Variants in LRRC4C observed in about 807,000 individuals in gnomAD.
LRRC4C encodes leucine-rich repeat-containing protein 4C.
A neutral mutation model predicts 33.6 loss-of-function variants in LRRC4C; 5 were observed. That is an observed-to-expected ratio of 0.15 (90% CI 0.08 to 0.31). The LOEUF is 0.31. LRRC4C is among the 10% of genes least tolerant of loss of function. The probability of loss-of-function intolerance (pLI) is 1.00; values close to 1 mark genes in which losing one functional copy is unlikely to be tolerated. For synonymous variants in LRRC4C, 329 were observed against 302.0 expected (o/e 1.09, Z -0.93); for missense variants, 560 against 796.7 (o/e 0.70, Z 3.58).
At chr11:40,941,112 G>A (rs1250475312) in intron 1 of LRRC4C, among the ~76,000 whole-genome samples, 1 of 151,924 alleles carries the variant, frequency 6.6e-6, no homozygotes, top group Non-Finnish European at 1.5e-5. Context: ...TTAAACCAGT[G>A]TAATTTTGAA....
intron 3 of LRRC4C, among the ~76,000 whole-genome samples, chr11:40,636,890 G>A (rs1941786056): frequency 6.6e-6 from 1 of 152,164 alleles, no homozygotes; most frequent in Admixed American, 6.5e-5. Context: ...TCCCTTGGCA[G>A]TGAGCACCCT....
intron 4 of LRRC4C, among the ~76,000 whole-genome samples, chr11:40,305,185 T>G (rs1944969568): frequency 6.6e-6 from 1 of 152,230 alleles, no homozygotes; most frequent in Admixed American, 6.5e-5. Context: ...GGCACTGATC[T>G]TTTTGATCTT....
At chr11:40,295,067 C>A (rs1468265524) in intron 4 of LRRC4C, among the ~76,000 whole-genome samples, 1 of 152,124 alleles carries the variant, frequency 6.6e-6, no homozygotes, top group African/African-American at 2.4e-5. Context: ...ACATCCCCTG[C>A]TCCAGGATGT....
At chr11:40,243,380 C>A (rs1057271668) in intron 4 of LRRC4C, among the ~76,000 whole-genome samples, 1 of 152,050 alleles carries the variant, frequency 6.6e-6, no homozygotes, top group Non-Finnish European at 1.5e-5. Context: ...TCACCAAGTA[C>A]CTTCCTAGAA....
intron 3 of LRRC4C, among the ~76,000 whole-genome samples, chr11:40,607,401 G>A (rs1415638154): frequency 6.6e-6 from 1 of 152,074 alleles, no homozygotes; most frequent in Non-Finnish European, 1.5e-5. Flanking sequence ...CCCATCCTGT[G>A]CCTATAAAAA....
chr11:40,751,225 T>C (rs1454584338), intron 2 of LRRC4C, among the ~76,000 whole-genome samples: 1 of 152,166 alleles, frequency 6.6e-6, no homozygotes. Context: ...GAATGACCAC[T>C]TTTACCACTC....
At chr11:40,972,681 A>G (rs75693861) in intron 1 of LRRC4C, among the ~76,000 whole-genome samples, 1,948 of 152,202 alleles carry the variant, frequency 0.013, 12 homozygotes, top group Non-Finnish European at 0.021. Context: ...GAAGTTGGGA[A>G]AAGCCCCTTA....
At chr11:40,190,041 T>C (rs1367088832) in intron 5 of LRRC4C, among the ~76,000 whole-genome samples, 1 of 152,072 alleles carries the variant, frequency 6.6e-6, no homozygotes, top group Non-Finnish European at 1.5e-5. Context: ...TCCAGCAACA[T>C]TGAAGCAAAG....
chr11:41,392,824 A>G (rs1462161370), intron 1 of LRRC4C, among the ~76,000 whole-genome samples: 1 of 151,834 alleles, frequency 6.6e-6, no homozygotes, highest in Non-Finnish European at 1.5e-5. Flanking sequence ...GCCCAGAGGA[A>G]GCAGGAAGGA....
chr11:40,131,515 C>T (rs1286471988), intron 6 of LRRC4C, among the ~76,000 whole-genome samples: 1 of 152,038 alleles, frequency 6.6e-6, no homozygotes, highest in Non-Finnish European at 1.5e-5. Flanking sequence ...TATGTGGCCT[C>T]AAGAAAAGGT....
chr11:41,381,369 T>G (rs1307192037), intron 1 of LRRC4C, among the ~76,000 whole-genome samples: 1 of 152,172 alleles, frequency 6.6e-6, no homozygotes, highest in Non-Finnish European at 1.5e-5. Flanking sequence ...GGCTCAGGTC[T>G]GTAATCCCAG....
At chr11:40,756,833 T>C (rs545200173) in intron 2 of LRRC4C, among the ~76,000 whole-genome samples, 1 of 152,082 alleles carries the variant, frequency 6.6e-6, no homozygotes, top group Admixed American at 6.6e-5. Context: ...TAAATGAATA[T>C]ACAGTTCAAG....
chr11:40,741,426 T>G (rs10837492), intron 2 of LRRC4C, among the ~76,000 whole-genome samples: 39,876 of 152,004 alleles, frequency 0.26, 5,731 homozygotes, highest in African/African-American at 0.36. Context: ...ACTGGATGCC[T>G]GAACAGCGCA....
chr11:41,086,497 A>G (rs1042334055), intron 1 of LRRC4C, among the ~76,000 whole-genome samples: 1 of 152,162 alleles, frequency 6.6e-6, no homozygotes, highest in Non-Finnish European at 1.5e-5. Context: ...TTTTAAGACC[A>G]TATTTAAGAC....
chr11:40,587,068 T>C (rs1958791841), intron 3 of LRRC4C, among the ~76,000 whole-genome samples: 1 of 151,868 alleles, frequency 6.6e-6, no homozygotes, highest in African/African-American at 2.4e-5. Context: ...CCTTGGGCAG[T>C]ATGGCCATTT....
chr11:40,426,177 C>T (rs188768390), intron 3 of LRRC4C, among the ~76,000 whole-genome samples: 10 of 152,026 alleles, frequency 6.6e-5, no homozygotes, highest in Admixed American at 5.9e-4. Flanking sequence ...CTATGCCCGG[C>T]TAATTTTTTA....
At chr11:40,704,473 C>G (rs1393364399) in intron 2 of LRRC4C, among the ~76,000 whole-genome samples, 1 of 152,136 alleles carries the variant, frequency 6.6e-6, no homozygotes, top group African/African-American at 2.4e-5. Flanking sequence ...AAAATGGTCT[C>G]CCTGAAATCT....
intron 2 of LRRC4C, among the ~76,000 whole-genome samples, chr11:40,658,597 T>C (rs2220904): frequency 0.19 from 29,592 of 152,090 alleles, 3,006 homozygotes; most frequent in Non-Finnish European, 0.22. Context: ...AATCGTTGAC[T>C]GGTGGAAGAG....
chr11:40,691,151 A>T (rs1467885495), intron 2 of LRRC4C, among the ~76,000 whole-genome samples: 1 of 152,074 alleles, frequency 6.6e-6, no homozygotes, highest in African/African-American at 2.4e-5. Context: ...TAAACACAAA[A>T]AAAGCACATC....
Sources: gnomAD v4.1 joint callset for allele counts (sites outside exome capture counted in the v4.1 genomes callset) on GRCh38, gnomAD v4.1.1 for gene constraint, MANE v1.5 for transcripts, NCBI Gene and HGNC (gene_info 2026-07-23, HGNC 2026-07-21) for gene names.